Variants in CDH12 observed in about 807,000 individuals in gnomAD.
The protein encoded by CDH12 is cadherin 12.
A neutral mutation model predicts 74.1 loss-of-function variants in CDH12; 41 were observed. The observed-to-expected ratio is 0.55, with a 90% CI of 0.43 to 0.72. CDH12 has a LOEUF of 0.72. Among genes scored for constraint, CDH12 ranks in the 30% least tolerant of loss-of-function variants. CDH12 has a pLI of 0.00. For missense variants in CDH12, 945 were observed against 977.2 expected (o/e 0.97, Z 0.44); for synonymous variants, 399 against 355.0 (o/e 1.12, Z -1.39).
intron 1 of CDH12, among the ~76,000 whole-genome samples, chr5:22,798,790 T>C (rs1211683440): frequency 6.6e-6 from 1 of 152,170 alleles, no homozygotes; most frequent in Non-Finnish European, 1.5e-5. Flanking sequence ...TTTTGTTTAT[T>C]TTTTAGTAAA....
At chr5:22,349,766 G>C (rs991833035) in intron 3 of CDH12, among the ~76,000 whole-genome samples, 2 of 152,040 alleles carry the variant, frequency 1.3e-5, no homozygotes, top group Admixed American at 1.3e-4. Flanking sequence ...ACGGAGTCTG[G>C]CTCTGTCGCC....
intron 2 of CDH12, among the ~76,000 whole-genome samples, chr5:22,465,469 G>C (rs1745690193): frequency 6.6e-6 from 1 of 152,066 alleles, no homozygotes; most frequent in East Asian, 1.9e-4. Flanking sequence ...AACATAGGGA[G>C]AACCCATCTC....
chr5:22,530,946 C>T (rs1168361544), intron 1 of CDH12, among the ~76,000 whole-genome samples: 1 of 151,906 alleles, frequency 6.6e-6, no homozygotes, highest in East Asian at 1.9e-4. Flanking sequence ...TCAATCTAAG[C>T]TAGATTTTTT....
intron 2 of CDH12, among the ~76,000 whole-genome samples, chr5:22,493,681 C>T (rs1159976373): frequency 1.3e-5 from 2 of 151,754 alleles, no homozygotes; most frequent in African/African-American, 4.8e-5. Flanking sequence ...GAGGAGAAAG[C>T]CATTCCATTA....
At chr5:22,783,895 C>T (rs187620461) in intron 1 of CDH12, among the ~76,000 whole-genome samples, 1 of 152,014 alleles carries the variant, frequency 6.6e-6, no homozygotes, top group African/African-American at 2.4e-5. Flanking sequence ...TAGCGATTCT[C>T]CTCCCTGCTT....
At chr5:22,121,894 C>A (rs908193872) in intron 4 of CDH12, among the ~76,000 whole-genome samples, 3 of 152,044 alleles carry the variant, frequency 2.0e-5, no homozygotes, top group Non-Finnish European at 4.4e-5. Flanking sequence ...CTTAAAACAT[C>A]ATAGATTAAT....
chr5:22,030,449 TA>T (rs2150172274), intron 5 of CDH12, among the ~76,000 whole-genome samples: 1 of 152,236 alleles, frequency 6.6e-6, no homozygotes, highest in African/African-American at 2.4e-5. Context: ...TGAGCAGTAA[TA>T]TTTTGATAGG....
intron 3 of CDH12, among the ~76,000 whole-genome samples, chr5:22,370,296 T>A (rs955633412): frequency 6.6e-6 from 1 of 152,152 alleles, no homozygotes; most frequent in Non-Finnish European, 1.5e-5. Flanking sequence ...GAAAAGTAGA[T>A]CATTAAAATT....
chr5:22,281,412 A>C (rs1384932792), intron 3 of CDH12, among the ~76,000 whole-genome samples: 1 of 152,102 alleles, frequency 6.6e-6, no homozygotes, highest in Non-Finnish European at 1.5e-5. Flanking sequence ...GGGTATTCAA[A>C]TAGGAAGAGA....
At chr5:22,481,465 T>G (rs1071937) in intron 2 of CDH12, among the ~76,000 whole-genome samples, 143,148 of 152,218 alleles carry the variant, frequency 0.94, 67,403 homozygotes, top group Admixed American at 0.97. Context: ...AACCTAAAGC[T>G]ACAGATGAAT....
intron 1 of CDH12, among the ~76,000 whole-genome samples, chr5:22,674,427 G>C (rs1469408170): frequency 6.6e-6 from 1 of 152,146 alleles, no homozygotes; most frequent in Admixed American, 6.5e-5. Flanking sequence ...ATGTGGAACG[G>C]TAAGTCCATT....
At chr5:22,068,021 A>T (rs1741686236) in intron 5 of CDH12, among the ~76,000 whole-genome samples, 7 of 151,996 alleles carry the variant, frequency 4.6e-5, no homozygotes, top group Admixed American at 3.9e-4. Flanking sequence ...AAGAAACAGC[A>T]AAAACCTGCT....
At chr5:22,378,044 G>GT (rs758462109) in intron 3 of CDH12, among the ~76,000 whole-genome samples, 39 of 152,132 alleles carry the variant, frequency 2.6e-4, no homozygotes, top group Admixed American at 3.9e-4. Context: ...ATAATAACGT[G>GT]TTTTTTTCCT....
At chr5:22,533,783 A>T (rs1287289504) in intron 1 of CDH12, among the ~76,000 whole-genome samples, 1 of 152,168 alleles carries the variant, frequency 6.6e-6, no homozygotes, top group Non-Finnish European at 1.5e-5. Flanking sequence ...GAGAAAGTAA[A>T]AACTAAATGA....
chr5:21,794,727 C>T (rs902165264), intron 10 of CDH12, among the ~76,000 whole-genome samples: 13 of 151,506 alleles, frequency 8.6e-5, no homozygotes, highest in Admixed American at 2.6e-4. Flanking sequence ...ACTTTGAGTC[C>T]TAGCTATTGT....
intron 2 of CDH12, among the ~76,000 whole-genome samples, chr5:22,486,018 G>T (rs528401992): frequency 6.2e-4 from 94 of 152,264 alleles, no homozygotes; most frequent in African/African-American, 2.1e-3. Flanking sequence ...AAGGAAGCAG[G>T]ACCAACGCAG....
intron 11 of CDH12, among the ~76,000 whole-genome samples, chr5:21,772,949 T>C (rs1404923851): frequency 6.6e-6 from 1 of 152,138 alleles, no homozygotes; most frequent in Non-Finnish European, 1.5e-5. Context: ...AAAGTATTCT[T>C]AAGCAGTTTG....
At chr5:22,551,926 C>A (rs1738593558) in intron 1 of CDH12, among the ~76,000 whole-genome samples, 1 of 152,106 alleles carries the variant, frequency 6.6e-6, no homozygotes, top group Non-Finnish European at 1.5e-5. Flanking sequence ...ACATCACAAT[C>A]TTACATGATA....
At chr5:21,842,433 A>G (rs1025505154) in intron 7 of CDH12, 105 bp from the exon 8 acceptor site, 7 of 726,552 alleles carry the variant, frequency 9.6e-6, no homozygotes, top group Admixed American at 3.3e-5. Flanking sequence ...AATCACTAAC[A>G]GAGACATAAT....
Sources: gnomAD v4.1 joint callset for allele counts (sites outside exome capture counted in the v4.1 genomes callset) on GRCh38, gnomAD v4.1.1 for gene constraint, MANE v1.5 for transcripts, NCBI Gene and HGNC (gene_info 2026-07-23, HGNC 2026-07-21) for gene names.